SPECC1: variants seen among roughly 807,000 people sequenced by gnomAD.
SPECC1 encodes the protein cytospin-B.
In SPECC1, 62 loss-of-function variants were observed where a neutral mutation model predicts 104.1. The observed-to-expected ratio is 0.60, with a 90% CI of 0.49 to 0.74. The LOEUF (loss-of-function observed/expected upper bound fraction) is 0.74. Ranked by LOEUF, SPECC1 falls within the 30% of genes least tolerant of loss-of-function variation. The pLI is 0.00. For synonymous variants in SPECC1, 513 were observed against 501.6 expected (o/e 1.02, Z -0.30); for missense variants, 1,306 against 1,310.5 (o/e 1.00, Z 0.05).
chr17:20,298,946 A>AGAGAGAGAGAGAGAGAGAGAGAGT (rs2041452601), intron 13 of SPECC1, among the ~76,000 whole-genome samples: 1 of 45,794 alleles, frequency 2.2e-5, no homozygotes, highest in Admixed American at 2.0e-4. Context: ...AGAGAGAGAG[A>AGAGAGAGAGAGAGAGAGAGAGAGT]GAGTGTGTGT....
chr17:20,304,326 A>G (rs1259542697), intron 13 of SPECC1, among the ~76,000 whole-genome samples: 1 of 125,208 alleles, frequency 8.0e-6, no homozygotes, highest in Non-Finnish European at 1.7e-5. Flanking sequence ...TTAAAACTGA[A>G]TATGTAGAGA....
At chr17:20,059,953 C>T (rs2046122932) in intron 1 of SPECC1, among the ~76,000 whole-genome samples, 1 of 152,208 alleles carries the variant, frequency 6.6e-6, no homozygotes, top group Non-Finnish European at 1.5e-5. Flanking sequence ...TTGAAATTAT[C>T]TACTGGTTTG....
intron 1 of SPECC1, among the ~76,000 whole-genome samples, chr17:20,084,631 G>GT (rs1283437511): frequency 2.6e-5 from 4 of 152,002 alleles, no homozygotes; most frequent in Non-Finnish European, 4.4e-5. Context: ...AATCAGGTGG[G>GT]TTTTTTTGTT....
chr17:20,144,550 A>C (rs1027256789), intron 3 of SPECC1, among the ~76,000 whole-genome samples: 2 of 152,126 alleles, frequency 1.3e-5, no homozygotes, highest in African/African-American at 2.4e-5. Context: ...GAAACATGAG[A>C]CACACAAAAT....
At chr17:20,011,067 T>C (rs2043925988) in intron 1 of SPECC1, among the ~76,000 whole-genome samples, 2 of 152,246 alleles carry the variant, frequency 1.3e-5, no homozygotes, top group African/African-American at 4.8e-5. Flanking sequence ...GCATCTTATT[T>C]AGGGTTTTGG....
chr17:20,314,760 C>CGT lies in SPECC1; in HGVS notation c.*697_*698dup, dbSNP rs1251623205. 16 of 169,834 alleles carry CGT rather than the reference C, an allele frequency of 9.4e-5. No homozygotes were observed. The Admixed American group carries it at 1.1e-3, about 11-fold the overall frequency. 10.5% of individuals were successfully genotyped at this position (169,834 alleles called of 1,614,324 possible). A position where few individuals can be genotyped will look rare whatever the true frequency, so the allele number is the denominator to read the frequency against. On this transcript the variant is annotated 3_prime_UTR_variant, in exon 15 of 15. Transcript: ENST00000395527. ...TGTTCCAGGGCAACCTGGAAACGTGCGTGCGCACTCAGCCTTTTGGGGAAA... is the reference window on the plus strand; with the variant it reads ...TGTTCCAGGGCAACCTGGAAACGTGCGTGTGCGCACTCAGCCTTTTGGGGAAA...
At chr17:20,014,377 A>G (rs770826485) in intron 1 of SPECC1, among the ~76,000 whole-genome samples, 3 of 152,214 alleles carry the variant, frequency 2.0e-5, no homozygotes, top group Non-Finnish European at 2.9e-5. Context: ...TTATGCATAA[A>G]CAGTTATTTA....
chr17:20,181,743 G>A (rs891200169), intron 3 of SPECC1, among the ~76,000 whole-genome samples: 1 of 151,940 alleles, frequency 6.6e-6, no homozygotes, highest in Non-Finnish European at 1.5e-5. Context: ...TAACTGGTTA[G>A]CATTGGAACG....
intron 4 of SPECC1, among the ~76,000 whole-genome samples, chr17:20,211,670 T>C (rs542812216): frequency 6.6e-6 from 1 of 152,364 alleles, no homozygotes; most frequent in Admixed American, 6.5e-5. Flanking sequence ...GTCTCTGTTC[T>C]TGAAGCCCCT....
chr17:20,180,787 G>A (rs750164221), intron 3 of SPECC1, among the ~76,000 whole-genome samples: 1 of 152,144 alleles, frequency 6.6e-6, no homozygotes, highest in African/African-American at 2.4e-5. Flanking sequence ...CAAAAGTATA[G>A]AGGTTAGAAA....
chr17:20,304,038 G>A (rs545922867), intron 13 of SPECC1, among the ~76,000 whole-genome samples: 1 of 148,550 alleles, frequency 6.7e-6, no homozygotes, highest in African/African-American at 2.5e-5. Context: ...TTGGGAGGCT[G>A]AGGTAGGCAG....
At chr17:20,164,598 C>T (rs1340854375) in intron 3 of SPECC1, among the ~76,000 whole-genome samples, 3 of 152,132 alleles carry the variant, frequency 2.0e-5, no homozygotes, top group Non-Finnish European at 4.4e-5. Context: ...TTGGTTGGAA[C>T]ATATTCTTTA....
intron 12 of SPECC1, among the ~76,000 whole-genome samples, chr17:20,288,771 CTTTTTTT>C (rs60578647): frequency 6.8e-5 from 5 of 73,706 alleles, no homozygotes; most frequent in Non-Finnish European, 9.3e-5. Flanking sequence ...AAGGGCACTT[CTTTTTTT>C]TTTTTTTTTT....
At chr17:20,182,382 C>G (rs1170523161) in intron 3 of SPECC1, among the ~76,000 whole-genome samples, 1 of 152,130 alleles carries the variant, frequency 6.6e-6, no homozygotes, top group Non-Finnish European at 1.5e-5. Flanking sequence ...TCCCAAAGTG[C>G]TAGGATTACA....
intron 12 of SPECC1, among the ~76,000 whole-genome samples, chr17:20,278,808 C>G (rs1179703191): frequency 6.6e-6 from 1 of 151,988 alleles, no homozygotes; most frequent in Non-Finnish European, 1.5e-5. Flanking sequence ...TCAAAACTGC[C>G]AATTTACACT....
intron 12 of SPECC1, among the ~76,000 whole-genome samples, chr17:20,266,410 C>A (rs142973646): frequency 6.6e-6 from 1 of 152,076 alleles, no homozygotes; most frequent in African/African-American, 2.4e-5. Flanking sequence ...GGTGAAACCC[C>A]GTCTCTACTA....
chr17:20,039,305 C>T (rs2045225361), intron 1 of SPECC1, among the ~76,000 whole-genome samples: 1 of 152,144 alleles, frequency 6.6e-6, no homozygotes, highest in African/African-American at 2.4e-5. Context: ...CAACTCCATG[C>T]TGATTTTTTT....
At chr17:20,021,282 A>G (rs9911872) in intron 1 of SPECC1, among the ~76,000 whole-genome samples, 10,483 of 152,112 alleles carry the variant, frequency 0.069, 985 homozygotes, top group African/African-American at 0.21. Context: ...GGTCACGCGT[A>G]TACTGCTTTG....
At chr17:20,077,623 C>T (rs1182113099) in intron 1 of SPECC1, among the ~76,000 whole-genome samples, 3 of 152,016 alleles carry the variant, frequency 2.0e-5, no homozygotes, top group Admixed American at 1.3e-4. Context: ...CCCGCCACCA[C>T]GCCTGGCTAA....
Sources: allele counts gnomAD v4.1 joint callset (sites outside exome capture counted in the v4.1 genomes callset), GRCh38; gene constraint gnomAD v4.1.1; transcripts MANE v1.5; gene names NCBI Gene and HGNC (gene_info 2026-07-23, HGNC 2026-07-21).